Variants in DLGAP2 observed in about 807,000 individuals in gnomAD.
DLGAP2 encodes the protein DLG associated protein 2.
In DLGAP2, 26 loss-of-function variants were observed where a neutral mutation model predicts 100.3. The observed-to-expected ratio is 0.26, with a 90% CI of 0.19 to 0.36. The LOEUF (loss-of-function observed/expected upper bound fraction) is 0.36, where lower values mean the gene tolerates loss of function less well. Among genes scored for constraint, DLGAP2 ranks in the 10% least tolerant of loss-of-function variants. The probability of loss-of-function intolerance (pLI) is 1.00; values close to 1 mark genes in which losing one functional copy is unlikely to be tolerated. For synonymous variants in DLGAP2, 886 were observed against 630.1 expected, an observed-to-expected ratio of 1.41 and a Z score of -6.08; for missense variants, 1,858 against 1,453.2, an observed-to-expected ratio of 1.28 and a Z score of -4.53.
At chr8:1,164,577 T>G (rs994720874) in intron 2 of DLGAP2, among the ~76,000 whole-genome samples, 1 of 152,046 alleles carries the variant, frequency 6.6e-6, no homozygotes, top group African/African-American at 2.4e-5. Context: ...TTGTGGGTCA[T>G]ATTCTAAGCC....
At chr8:1,314,176 A>G (rs1800675175) in intron 3 of DLGAP2, among the ~76,000 whole-genome samples, 1 of 152,156 alleles carries the variant, frequency 6.6e-6, no homozygotes, top group South Asian at 2.1e-4. Flanking sequence ...TGAGAAACAC[A>G]CGTTTATTTG....
At chr8:884,106 C>T (rs113118863) in intron 1 of DLGAP2, among the ~76,000 whole-genome samples, 7,455 of 152,200 alleles carry the variant, frequency 0.049, 317 homozygotes, top group African/African-American at 0.11. Flanking sequence ...AACATACATA[C>T]GCATGTGTCT....
intron 2 of DLGAP2, among the ~76,000 whole-genome samples, chr8:1,067,045 G>T (rs1044629258): frequency 5.9e-5 from 9 of 152,162 alleles, no homozygotes; most frequent in Non-Finnish European, 1.3e-4. Context: ...GCAGAGAGGG[G>T]TTGGTCTCCT....
At chr8:1,568,093 T>A (rs1213877011) in intron 6 of DLGAP2, among the ~76,000 whole-genome samples, 1 of 142,264 alleles carries the variant, frequency 7.0e-6, no homozygotes, top group Non-Finnish European at 1.5e-5. Context: ...CAAATCCGTC[T>A]CTGCCTGTGG....
At chr8:1,521,841 C>T (rs1800609523) in intron 4 of DLGAP2, among the ~76,000 whole-genome samples, 1 of 141,844 alleles carries the variant, frequency 7.1e-6, no homozygotes, top group African/African-American at 2.6e-5. Flanking sequence ...TTGGAATACT[C>T]GGGGGCAGGT....
chr8:984,647 G>A (rs368151506), intron 2 of DLGAP2, among the ~76,000 whole-genome samples: 2 of 152,218 alleles, frequency 1.3e-5, no homozygotes, highest in East Asian at 3.8e-4. Flanking sequence ...TAAAGAGCAC[G>A]GCCTCCCAGT....
chr8:1,251,204 G>A (rs562685983), intron 2 of DLGAP2, among the ~76,000 whole-genome samples: 1 of 152,136 alleles, frequency 6.6e-6, no homozygotes, highest in South Asian at 2.1e-4. Flanking sequence ...GTCATCCTGG[G>A]CTTTTACTTA....
chr8:1,370,913 G>T (rs896697271), intron 3 of DLGAP2, among the ~76,000 whole-genome samples: 2 of 152,170 alleles, frequency 1.3e-5, no homozygotes. Context: ...CCTAGAACAG[G>T]GCTTTACACC....
chr8:1,279,727 T>C (rs1205403377), intron 3 of DLGAP2, among the ~76,000 whole-genome samples: 1 of 152,178 alleles, frequency 6.6e-6, no homozygotes, highest in African/African-American at 2.4e-5. Flanking sequence ...ATTTATTTCC[T>C]TGTGGCTGTA....
intron 6 of DLGAP2, among the ~76,000 whole-genome samples, chr8:1,598,697 G>A (rs536698482): frequency 6.6e-6 from 1 of 152,096 alleles, no homozygotes; most frequent in African/African-American, 2.4e-5. Flanking sequence ...ATTTCTGTGG[G>A]ATCAGTGGTG....
intron 1 of DLGAP2, among the ~76,000 whole-genome samples, chr8:825,804 G>T (rs1455741935): frequency 1.3e-5 from 2 of 152,132 alleles, no homozygotes; most frequent in African/African-American, 2.4e-5. Context: ...GATGAAAAAG[G>T]TATCTGTCAC....
chr8:1,374,091 T>G (rs1185586664), intron 3 of DLGAP2, among the ~76,000 whole-genome samples: 1 of 147,576 alleles, frequency 6.8e-6, no homozygotes, highest in Non-Finnish European at 1.5e-5. Context: ...GGAGGTTAGG[T>G]TAGGTTTGCA....
chr8:1,058,467 C>G (rs1458623923), intron 2 of DLGAP2, among the ~76,000 whole-genome samples: 1 of 152,188 alleles, frequency 6.6e-6, no homozygotes, highest in Non-Finnish European at 1.5e-5. Flanking sequence ...AGGGTGGCTT[C>G]TAATACCTGC....
Position 856,129 on chromosome 8 carries a change from G to A in DLGAP2, c.19-51783G>A, listed in dbSNP as rs1199916543. Among the ~76,000 whole-genome samples the A allele has an allele frequency of 4.0e-5, 6 of 149,764 alleles. No individual in the cohort carries two copies. The South Asian group carries it at 1.1e-3, about 26-fold the overall frequency. Reference sequence around the variant, plus strand: ...AAATGCATTTGTCAACAGATGACATGATTATTTATGTAGAAGATCCCAAAG... The same window carrying A: ...AAATGCATTTGTCAACAGATGACATAATTATTTATGTAGAAGATCCCAAAG... On this transcript the variant is annotated intron_variant, in intron 1 of 14. Transcript: ENST00000637795.
chr8:1,499,606 A>G (rs1168575292), intron 3 of DLGAP2, among the ~76,000 whole-genome samples: 1 of 152,214 alleles, frequency 6.6e-6, no homozygotes, highest in African/African-American at 2.4e-5. Flanking sequence ...CGCAGCTTAA[A>G]CTATGCAAAA....
At chr8:1,447,107 T>G (rs1798002533) in intron 3 of DLGAP2, among the ~76,000 whole-genome samples, 1 of 152,234 alleles carries the variant, frequency 6.6e-6, no homozygotes, top group African/African-American at 2.4e-5. Flanking sequence ...CTAATTGCCC[T>G]GGCCAGAACT....
At chr8:1,317,471 C>T (rs1397721641) in intron 3 of DLGAP2, among the ~76,000 whole-genome samples, 7 of 143,510 alleles carry the variant, frequency 4.9e-5, no homozygotes, top group African/African-American at 5.4e-5. Context: ...GCGAGTGCAG[C>T]GTCTCTCCAA....
chr8:1,514,105 C>T (rs1800275573), intron 4 of DLGAP2, among the ~76,000 whole-genome samples: 1 of 152,222 alleles, frequency 6.6e-6, no homozygotes, highest in South Asian at 2.1e-4. Flanking sequence ...TGGGTGGCGT[C>T]TTGTGGCCAC....
Position 1,258,841 on chromosome 8 carries a change from C to T in DLGAP2, c.74-10C>T, listed in dbSNP as rs1799283240. ...TGGGTGTAACAGCTTCTCTCTGTCTCTGTTTTCAGAGTCGCAGTGCACGCT... is the reference window on the plus strand; with the variant it reads ...TGGGTGTAACAGCTTCTCTCTGTCTTTGTTTTCAGAGTCGCAGTGCACGCT... On this transcript the variant is annotated splice_polypyrimidine_tract_variant and intron_variant, in intron 2 of 14. Coordinates refer to ENST00000637795, the MANE Select transcript of DLGAP2 (RefSeq NM_001346810.2). The T allele has an allele frequency of 8.1e-7, 1 of 1,231,728 alleles. No individual in the cohort carries two copies. The highest frequency in any genetic ancestry group is 4.1e-5 in the South Asian group (1 of 24,312). 76.3% of individuals were successfully genotyped at this position (1,231,728 alleles called of 1,614,324 possible). A position where few individuals can be genotyped will look rare whatever the true frequency, so the allele number is the denominator to read the frequency against.
Sources: allele counts gnomAD v4.1 joint callset (sites outside exome capture counted in the v4.1 genomes callset), GRCh38; gene constraint gnomAD v4.1.1; transcripts MANE v1.5; gene names NCBI Gene and HGNC (gene_info 2026-07-23, HGNC 2026-07-21).